The following BICRAL variants were observed in gnomAD, a reference collection of about 807,000 sequenced individuals.
BICRAL encodes BRD4-interacting chromatin-remodeling complex-associated protein-like.
A neutral mutation model predicts 91.8 loss-of-function variants in BICRAL; 8 were observed. The observed-to-expected ratio is 0.09, with a 90% CI of 0.05 to 0.16. The LOEUF (loss-of-function observed/expected upper bound fraction) is 0.16, where lower values mean the gene tolerates loss of function less well. Among genes scored for constraint, BICRAL ranks in the 10% least tolerant of loss-of-function variants. The pLI is 1.00. For synonymous variants in BICRAL, 445 were observed against 491.1 expected, an observed-to-expected ratio of 0.91 and a Z score of 1.24; for missense variants, 1,038 against 1,310.9, an observed-to-expected ratio of 0.79 and a Z score of 3.21.
chr6:42,758,639 A>G (rs752868723), intron 1 of BICRAL, among the ~76,000 whole-genome samples: 1 of 151,748 alleles, frequency 6.6e-6, no homozygotes, highest in African/African-American at 2.4e-5. Flanking sequence ...AGAGTAACCT[A>G]TCTCAGACCA....
At chr6:42,781,048 A>G (rs2113856309), upstream of BICRAL, among the ~76,000 whole-genome samples, 1 of 152,056 alleles carries the variant, frequency 6.6e-6, no homozygotes, top group South Asian at 2.1e-4. Context: ...GGGCCACATA[A>G]TCTAAATACT....
At chr6:42,777,393 A>AT (rs1172699396), upstream of BICRAL, among the ~76,000 whole-genome samples, 1 of 152,242 alleles carries the variant, frequency 6.6e-6, no homozygotes, top group African/African-American at 2.4e-5. Flanking sequence ...CAAAATTAGA[A>AT]TTTGAACCCA....
At chr6:42,820,821 C>T (rs868120853) in intron 2 of BICRAL, among the ~76,000 whole-genome samples, 7 of 152,298 alleles carry the variant, frequency 4.6e-5, no homozygotes, top group Middle Eastern at 6.8e-3. Context: ...TGAATGAATT[C>T]AGCCGCCAAG....
Position 42,857,184 on chromosome 6 carries a change from C to T in BICRAL, c.2202C>T (p.Leu734=), listed in dbSNP as rs770299321. Residue 734 remains leucine (L), a synonymous_variant, in exon 10 of 13, where the codon CTC becomes CTT. Transcript: ENST00000314073. The stretch of plus-strand genomic sequence containing the variant: ...TAAGTGATGCGGTACAGAGACTGCT[C>T]TCCTACCACGTGTGCCAGGGCTCCA... ...RSLSDAVQRL[L]SYHVCQGSMP... is the part of the protein sequence containing the mutation. 6.2e-7 allele frequency: 1 copy of T among 1,613,698 alleles called. No homozygotes were observed. Among genetic ancestry groups the T allele is most frequent in the Non-Finnish European group, 8.5e-7 (1 of 1,179,704 alleles).
rs190208414 is a variant in BICRAL at position 42,761,230 on chromosome 6, G to A, written c.-261+14207G>A. Among the ~76,000 whole-genome samples the A allele has an allele frequency of 2.7e-4, 41 of 152,224 alleles. No homozygotes were observed. In the East Asian group the frequency reaches 6.2e-3, roughly 23 times the overall value. On this transcript the variant is annotated intron_variant, in intron 1 of 14. Coordinates refer to the BICRAL transcript ENST00000614467. ...AGCAGTTTGGGAGGCTGAGGCTGGC[G>A]GATCACCTGAGGCCAGGAGTTCAAG...
chr6:42,815,921 T>C (rs528150893), intron 2 of BICRAL, among the ~76,000 whole-genome samples: 113 of 146,644 alleles, frequency 7.7e-4, no homozygotes, highest in East Asian at 8.0e-4. Context: ...TAAGCGGAGG[T>C]TGTGGTAAGC....
intron 1 of BICRAL, among the ~76,000 whole-genome samples, chr6:42,764,265 C>G (rs969688143): frequency 4.3e-5 from 6 of 139,722 alleles, no homozygotes; most frequent in African/African-American, 1.6e-4. Context: ...ACAAAAATGT[C>G]TGTCGGGCAC....
intron 5 of BICRAL, among the ~76,000 whole-genome samples, chr6:42,826,601 C>T (rs961722706): frequency 7.2e-5 from 11 of 152,036 alleles, no homozygotes; most frequent in African/African-American, 1.9e-4. Flanking sequence ...AGTGTCCTGC[C>T]TGGAGACTAT....
chr6:42,865,218 A>G lies in BICRAL; in HGVS notation c.3012A>G (p.Thr1004=), dbSNP rs1322328270. Residue 1004 remains threonine, a synonymous_variant, in exon 13 of 13, where the codon ACA becomes ACG. Transcript: ENST00000314073. ...SGEPQPDLQL[T]KSLETTFKNI... is the part of the protein sequence containing the mutation. The stretch of plus-strand genomic sequence containing the variant: ...AACCCCAGCCAGATCTCCAGCTGAC[A>G]AAGAGCTTGGAAACCACATTTAAGA... 2.5e-6 allele frequency: 4 copies of G among 1,614,032 alleles called. No individual in the cohort carries two copies.
At chr6:42,804,011 G>T (rs1252662439) in intron 1 of BICRAL, among the ~76,000 whole-genome samples, 2 of 152,036 alleles carry the variant, frequency 1.3e-5, no homozygotes, top group Non-Finnish European at 2.9e-5. Context: ...TGTTATTGTT[G>T]TTGTGTTTGT....
chr6:42,859,023 C>T (rs1765473052), intron 10 of BICRAL, among the ~76,000 whole-genome samples: 1 of 151,902 alleles, frequency 6.6e-6, no homozygotes, highest in South Asian at 2.1e-4. Context: ...TCTCAGGGCA[C>T]AGTGGTTTCT....
At chr6:42,830,211 G>C in intron 6 of BICRAL, 39 bp downstream of exon 6, 1 of 1,592,782 alleles carries the variant, frequency 6.3e-7, no homozygotes, top group East Asian at 2.2e-5. Context: ...GCTGATTATA[G>C]AATGGAAAAA....
intron 8 of BICRAL, among the ~76,000 whole-genome samples, chr6:42,854,857 T>C (rs1490405751): frequency 1.3e-5 from 2 of 152,134 alleles, no homozygotes; most frequent in Non-Finnish European, 2.9e-5. Context: ...TGATACATGA[T>C]AGATGTACAT....
intron 1 of BICRAL, among the ~76,000 whole-genome samples, chr6:42,751,489 G>C (rs1403868223): frequency 6.6e-6 from 1 of 152,080 alleles, no homozygotes; most frequent in Non-Finnish European, 1.5e-5. Flanking sequence ...CATGCCTCAA[G>C]AAGTAAGTAG....
At chr6:42,836,459 G>A (rs1179636561) in intron 6 of BICRAL, among the ~76,000 whole-genome samples, 3 of 151,854 alleles carry the variant, frequency 2.0e-5, no homozygotes, top group South Asian at 2.1e-4. Flanking sequence ...GTGTGTTTCC[G>A]CTATAAGTTT....
chr6:42,798,356 A>G (rs1562466911), intron 1 of BICRAL, among the ~76,000 whole-genome samples: 3 of 151,330 alleles, frequency 2.0e-5, no homozygotes, highest in Admixed American at 6.6e-5. Context: ...TAAATCTAAA[A>G]AAGAGTCACA....
upstream of BICRAL, among the ~76,000 whole-genome samples, chr6:42,780,356 G>A (rs150110298): frequency 1.1e-4 from 17 of 152,068 alleles, no homozygotes; most frequent in Non-Finnish European, 2.5e-4. Flanking sequence ...GGATATAGAA[G>A]CCATACAATA....
Position 42,857,254 on chromosome 6 carries a change from C to G in BICRAL, c.2254+18C>G, listed in dbSNP as rs2114030361. ...GAGAAAAGGTAAGCAGGCTGGGACC[C>G]TAAGGCACCACTCTGATACCAGGAA... On this transcript the variant is annotated intron_variant, in intron 10 of 12. Transcript: ENST00000314073. The G allele has an allele frequency of 6.2e-7, 1 of 1,602,962 alleles. No homozygotes were observed. The highest frequency in any genetic ancestry group is 2.2e-5 in the East Asian group (1 of 44,624).
intron 5 of BICRAL, among the ~76,000 whole-genome samples, chr6:42,823,506 G>C (rs560502988): frequency 3.0e-4 from 46 of 152,302 alleles, no homozygotes; most frequent in Non-Finnish European, 5.6e-4. Flanking sequence ...CAAGCTATGT[G>C]GCCAGGTACA....
Sources: gnomAD v4.1 joint callset for allele counts (sites outside exome capture counted in the v4.1 genomes callset) on GRCh38, gnomAD v4.1.1 for gene constraint, MANE v1.5 for transcripts, NCBI Gene and HGNC (gene_info 2026-07-23, HGNC 2026-07-21) for gene names.